Variants in ZNF804A observed in about 807,000 individuals in gnomAD.
ZNF804A encodes zinc finger protein 804A.
A neutral mutation model predicts 16.5 loss-of-function variants in ZNF804A; 2 were observed. That is an observed-to-expected ratio of 0.12 (90% CI 0.05 to 0.38). ZNF804A has a LOEUF of 0.38. ZNF804A is among the 10% of genes least tolerant of loss of function. The probability of loss-of-function intolerance (pLI) is 0.99; values close to 1 mark genes in which losing one functional copy is unlikely to be tolerated. For synonymous variants in ZNF804A, 534 were observed against 489.6 expected, an observed-to-expected ratio of 1.09 and a Z score of -1.20; for missense variants, 1,473 against 1,390.7, an observed-to-expected ratio of 1.06 and a Z score of -0.94.
intron 2 of ZNF804A, among the ~76,000 whole-genome samples, chr2:184,889,090 T>C (rs1048895860): frequency 1.3e-5 from 2 of 152,116 alleles, no homozygotes; most frequent in African/African-American, 4.8e-5. Context: ...GCATGTACTT[T>C]AGTTTTTGCA....
Position 184,854,595 on chromosome 2 carries a change from G to T in ZNF804A, c.112-11774G>T, listed in dbSNP as rs370343953. On this transcript the variant is annotated intron_variant, in intron 1 of 3. Coordinates refer to ENST00000302277, the MANE Select transcript of ZNF804A (RefSeq NM_194250.2). ...ATAAAAGCATTCATGTTCATCTGTAGCACAAAAAGTCAAACTGAACAATAA... is the reference window on the plus strand; with the variant it reads ...ATAAAAGCATTCATGTTCATCTGTATCACAAAAAGTCAAACTGAACAATAA... 8.4e-4 allele frequency among the ~76,000 whole-genome samples: 128 copies of T among 152,084 alleles called. 1 individual carries two copies. The South Asian group carries it at 0.026, about 31-fold the overall frequency.
intron 1 of ZNF804A, among the ~76,000 whole-genome samples, chr2:184,695,508 C>CT (rs965053863): frequency 2.3e-4 from 28 of 122,538 alleles, no homozygotes; most frequent in African/African-American, 8.5e-4. Flanking sequence ...ACTTTTTAAA[C>CT]TTTTTTTAAG....
chr2:184,882,656 A>G (rs377699384), intron 2 of ZNF804A, among the ~76,000 whole-genome samples: 2 of 152,144 alleles, frequency 1.3e-5, no homozygotes, highest in Non-Finnish European at 2.9e-5. Context: ...CCATATAGTT[A>G]CATGGAAATT....
chr2:184,806,895 T>A lies in ZNF804A; in HGVS notation c.112-59474T>A, dbSNP rs367612085. Reference sequence around the variant, plus strand: ...AAGATAAATATTAAGTATATTAAAGTCTTTATTTAAATAGAACAGAAGTTG... The same window carrying A: ...AAGATAAATATTAAGTATATTAAAGACTTTATTTAAATAGAACAGAAGTTG... On this transcript the variant is annotated intron_variant, in intron 1 of 3. Coordinates refer to ENST00000302277, the MANE Select transcript of ZNF804A (RefSeq NM_194250.2). Among the ~76,000 whole-genome samples the A allele has an allele frequency of 3.3e-5, 5 of 151,808 alleles. No homozygotes were observed. In the East Asian group the frequency reaches 7.7e-4, roughly 23 times the overall value.
At chr2:184,621,474 T>A (rs1691419027) in intron 1 of ZNF804A, among the ~76,000 whole-genome samples, 1 of 151,780 alleles carries the variant, frequency 6.6e-6, no homozygotes, top group Admixed American at 6.6e-5. Context: ...TGCCGTATTG[T>A]TCCTGGATAA....
At chr2:184,888,969 A>G (rs1684939762) in intron 2 of ZNF804A, among the ~76,000 whole-genome samples, 1 of 152,070 alleles carries the variant, frequency 6.6e-6, no homozygotes, top group Non-Finnish European at 1.5e-5. Flanking sequence ...TCTGAAAAAA[A>G]AACGTTTATT....
chr2:184,815,879 G>T (rs1694975090), intron 1 of ZNF804A, among the ~76,000 whole-genome samples: 1 of 151,864 alleles, frequency 6.6e-6, no homozygotes, highest in African/African-American at 2.4e-5. Context: ...AATTTGATTT[G>T]GTTTTTGTAT....
chr2:184,877,939 G>A (rs780648459), intron 2 of ZNF804A, among the ~76,000 whole-genome samples: 5 of 152,032 alleles, frequency 3.3e-5, no homozygotes, highest in Non-Finnish European at 7.4e-5. Flanking sequence ...AGTGTATTGT[G>A]TTCTCCTTTC....
intron 1 of ZNF804A, among the ~76,000 whole-genome samples, chr2:184,833,701 A>G (rs1296527709): frequency 6.6e-6 from 1 of 152,050 alleles, no homozygotes; most frequent in Non-Finnish European, 1.5e-5. Context: ...GAATATCATG[A>G]AAGAGGGAAT....
intron 1 of ZNF804A, among the ~76,000 whole-genome samples, chr2:184,622,851 T>C (rs1416346610): frequency 6.6e-6 from 1 of 151,962 alleles, no homozygotes; most frequent in East Asian, 1.9e-4. Context: ...AAATTTTCAG[T>C]GCCTATAAGT....
At chr2:184,747,914 C>A (rs1693817505) in intron 1 of ZNF804A, among the ~76,000 whole-genome samples, 1 of 151,406 alleles carries the variant, frequency 6.6e-6, no homozygotes, top group Admixed American at 6.6e-5. Context: ...ATTTGGTTTT[C>A]TCTTCCTGAA....
chr2:184,736,177 C>G (rs935096243), intron 1 of ZNF804A, among the ~76,000 whole-genome samples: 1 of 152,060 alleles, frequency 6.6e-6, no homozygotes, highest in Non-Finnish European at 1.5e-5. Context: ...TGATTGCTTA[C>G]AGGATGAAAA....
intron 1 of ZNF804A, among the ~76,000 whole-genome samples, chr2:184,837,017 T>C (rs745567189): frequency 2.6e-5 from 4 of 152,014 alleles, no homozygotes; most frequent in Non-Finnish European, 5.9e-5. Context: ...ACACATTGCT[T>C]TTCTTGGATA....
At chr2:184,796,881 G>A (rs1694636926) in intron 1 of ZNF804A, among the ~76,000 whole-genome samples, 1 of 152,060 alleles carries the variant, frequency 6.6e-6, no homozygotes, top group Admixed American at 6.6e-5. Context: ...TTTTGTTTTT[G>A]ACCCAATGCT....
At chr2:184,857,506 G>A (rs1695717200) in intron 1 of ZNF804A, among the ~76,000 whole-genome samples, 1 of 152,068 alleles carries the variant, frequency 6.6e-6, no homozygotes, top group South Asian at 2.1e-4. Context: ...GGTCTAAGAT[G>A]TAGTTTAAGT....
At chr2:184,628,591 G>C (rs946891516) in intron 1 of ZNF804A, among the ~76,000 whole-genome samples, 2 of 151,946 alleles carry the variant, frequency 1.3e-5, no homozygotes, top group African/African-American at 4.8e-5. Flanking sequence ...ATATTTTTCA[G>C]TGAGAACATT....
intron 1 of ZNF804A, among the ~76,000 whole-genome samples, chr2:184,824,702 C>T (rs1574229422): frequency 6.6e-6 from 1 of 152,150 alleles, no homozygotes; most frequent in Non-Finnish European, 1.5e-5. Flanking sequence ...AGGAAGGATA[C>T]CGTGTGAATG....
In ZNF804A at chr2:184,700,718, G is replaced by C. The variant is rs527408482; in HGVS notation, c.111+101648G>C. ...CATGATAAATATATAGTGTAAATGG[G>C]GAAGAGGGCAGTTCTCATTTGATAG... On this transcript the variant is annotated intron_variant, in intron 1 of 3. Coordinates refer to ENST00000302277, the MANE Select transcript of ZNF804A (RefSeq NM_194250.2). 2.6e-5 allele frequency among the ~76,000 whole-genome samples: 4 copies of C among 152,082 alleles called. 1 individual carries two copies. In the South Asian group the frequency reaches 8.3e-4, roughly 32 times the overall value.
In ZNF804A at chr2:184,866,438, C is replaced by T; in HGVS notation, c.181C>T (p.Leu61Phe). 1 of 1,613,176 alleles carries T rather than the reference C, an allele frequency of 6.2e-7. No homozygotes were observed. The highest frequency in any genetic ancestry group is 8.5e-7 in the Non-Finnish European group (1 of 1,179,518). ...EDLKANFYCE[L>F]CDKQYYKHQE... ...TCTGAAGGCAAATTTTTACTGTGAA[C>T]TCTGTGACAAGCAGTACTATAAGCA... Residue 61 changes from leucine to phenylalanine, a missense_variant, in exon 2 of 4, where the codon CTC (leucine) becomes TTC (phenylalanine). Transcript: ENST00000302277.
Sources: allele counts gnomAD v4.1 joint callset (sites outside exome capture counted in the v4.1 genomes callset), GRCh38; gene constraint gnomAD v4.1.1; transcripts MANE v1.5; gene names NCBI Gene and HGNC (gene_info 2026-07-23, HGNC 2026-07-21).